LRP1B: variants seen among roughly 807,000 people sequenced by gnomAD.
LRP1B encodes the protein LDL receptor related protein 1B.
LRP1B carries 217 observed loss-of-function variants against 556.6 expected under a neutral mutation model. The observed-to-expected ratio is 0.39, with a 90% CI of 0.35 to 0.44. The LOEUF (loss-of-function observed/expected upper bound fraction) is 0.44, where lower values mean the gene tolerates loss of function less well. LRP1B is among the 20% of genes least tolerant of loss of function. The pLI, the probability that LRP1B is intolerant of heterozygous loss-of-function variation, is 1.00. For missense variants in LRP1B, 5,053 were observed against 5,620.8 expected (o/e 0.90, Z 3.23); for synonymous variants, 2,047 against 1,865.8 (o/e 1.10, Z -2.50).
intron 2 of LRP1B, among the ~76,000 whole-genome samples, chr2:141,620,950 T>TA (rs11447920): frequency 0.66 from 97,142 of 146,982 alleles, 31,935 homozygotes; most frequent in African/African-American, 0.77. Flanking sequence ...AACCTTTTAA[T>TA]AAAAAAAAAA....
intron 59 of LRP1B, among the ~76,000 whole-genome samples, chr2:140,481,014 G>C (rs929250067): frequency 1.3e-5 from 2 of 152,010 alleles, no homozygotes; most frequent in Non-Finnish European, 2.9e-5. Context: ...TTACAGGCCT[G>C]TGTCAACAGG....
intron 1 of LRP1B, among the ~76,000 whole-genome samples, chr2:141,987,584 T>C (rs1193297446): frequency 4.0e-5 from 6 of 150,782 alleles, no homozygotes; most frequent in Non-Finnish European, 7.4e-5. Flanking sequence ...TCTTTTTCTC[T>C]CTTTGTGTCT....
At chr2:140,475,028 CTTAAA>C (rs1687913414) in intron 60 of LRP1B, 105 bp downstream of exon 60, 1 of 433,638 alleles carries the variant, frequency 2.3e-6, no homozygotes, top group Non-Finnish European at 3.6e-6. Flanking sequence ...ATAATGTAAC[CTTAAA>C]TTAAATATGT....
chr2:141,307,720 G>A (rs895317439), intron 3 of LRP1B, among the ~76,000 whole-genome samples: 7 of 152,172 alleles, frequency 4.6e-5, no homozygotes, highest in Non-Finnish European at 1.0e-4. Context: ...GTGGTGGGCT[G>A]AGCATGCTTG....
chr2:141,504,367 A>T (rs1394869868), intron 2 of LRP1B, among the ~76,000 whole-genome samples: 1 of 152,132 alleles, frequency 6.6e-6, no homozygotes, highest in Non-Finnish European at 1.5e-5. Flanking sequence ...TATGTAATTG[A>T]TTTACAACTT....
At chr2:141,106,109 T>C (rs1271807182) in intron 7 of LRP1B, among the ~76,000 whole-genome samples, 3 of 152,196 alleles carry the variant, frequency 2.0e-5, no homozygotes, top group Non-Finnish European at 1.5e-5. Context: ...TGGTACTTCA[T>C]CTCACTTTAC....
chr2:141,001,665 C>G (rs899977301), intron 15 of LRP1B, among the ~76,000 whole-genome samples: 1 of 152,080 alleles, frequency 6.6e-6, no homozygotes, highest in Non-Finnish European at 1.5e-5. Context: ...AGGTCTGTAA[C>G]TACCAAAATA....
chr2:141,416,654 C>T (rs2104954819), intron 3 of LRP1B, among the ~76,000 whole-genome samples: 1 of 152,134 alleles, frequency 6.6e-6, no homozygotes. Flanking sequence ...GGGTTTTCAC[C>T]ATGTTGGCCA....
chr2:141,126,640 G>C (rs1379125141), intron 7 of LRP1B, among the ~76,000 whole-genome samples: 2 of 151,870 alleles, frequency 1.3e-5, no homozygotes, highest in Non-Finnish European at 2.9e-5. Flanking sequence ...CAACACAATA[G>C]CCTCTTGGTC....
intron 2 of LRP1B, among the ~76,000 whole-genome samples, chr2:141,769,260 G>A (rs1302039371): frequency 6.6e-6 from 1 of 152,090 alleles, no homozygotes; most frequent in Non-Finnish European, 1.5e-5. Flanking sequence ...GCAATAGAGG[G>A]GTATCAGTCT....
chr2:140,880,811 T>G (rs10496855), intron 25 of LRP1B, among the ~76,000 whole-genome samples: 20,525 of 152,104 alleles, frequency 0.13, 1,585 homozygotes, highest in Admixed American at 0.17. Context: ...TACTGTATAC[T>G]TCCCATTTTA....
intron 1 of LRP1B, among the ~76,000 whole-genome samples, chr2:142,105,501 TCA>T (rs939021642): frequency 6.6e-6 from 1 of 152,130 alleles, no homozygotes; most frequent in African/African-American, 2.4e-5. Context: ...TTTGGAAAAA[TCA>T]CAGATTGAAA....
chr2:140,235,321 C>G (rs963597919), intron 89 of LRP1B, among the ~76,000 whole-genome samples: 33 of 151,152 alleles, frequency 2.2e-4, no homozygotes, highest in Non-Finnish European at 1.0e-4. Flanking sequence ...AGAAATTTTA[C>G]CCTCTTTGAG....
intron 1 of LRP1B, among the ~76,000 whole-genome samples, chr2:141,836,161 G>A (rs1409790661): frequency 1.3e-5 from 2 of 151,870 alleles, no homozygotes; most frequent in African/African-American, 4.8e-5. Flanking sequence ...AAATTAGAAT[G>A]TCTTAAAACT....
intron 7 of LRP1B, among the ~76,000 whole-genome samples, chr2:141,107,977 A>G (rs915680388): frequency 1.3e-5 from 2 of 152,164 alleles, no homozygotes; most frequent in African/African-American, 2.4e-5. Flanking sequence ...AGTACTCATT[A>G]TATCAGCTTG....
intron 1 of LRP1B, among the ~76,000 whole-genome samples, chr2:141,890,561 T>C (rs1699260985): frequency 6.6e-6 from 1 of 151,858 alleles, no homozygotes; most frequent in African/African-American, 2.4e-5. Flanking sequence ...ATTTATTGCA[T>C]GAACCATACA....
intron 19 of LRP1B, 50 bp downstream of exon 19, chr2:140,951,810 G>A (rs749944015): frequency 1.5e-5 from 21 of 1,442,962 alleles, no homozygotes; most frequent in Admixed American, 1.7e-5. Flanking sequence ...AGTCCAGACC[G>A]CCAAGCCCCC....
intron 8 of LRP1B, among the ~76,000 whole-genome samples, chr2:141,060,036 G>GA (rs1699294115): frequency 6.6e-6 from 1 of 151,770 alleles, no homozygotes; most frequent in African/African-American, 2.4e-5. Context: ...AAGAGAATTT[G>GA]AAAAAGTATG....
intron 2 of LRP1B, among the ~76,000 whole-genome samples, chr2:141,784,681 T>C (rs1695371226): frequency 6.6e-6 from 1 of 151,914 alleles, no homozygotes; most frequent in South Asian, 2.1e-4. Context: ...CCCCTTTCCC[T>C]TCCTCAACTT....
Sources: allele counts gnomAD v4.1 joint callset (sites outside exome capture counted in the v4.1 genomes callset), GRCh38; gene constraint gnomAD v4.1.1; transcripts MANE v1.5; gene names NCBI Gene and HGNC (gene_info 2026-07-23, HGNC 2026-07-21).